Variants in B4GALNT3 observed in about 807,000 individuals in gnomAD.
B4GALNT3 encodes the protein beta-1,4-N-acetylgalactosaminyltransferase 3.
Under a neutral mutation model 120.2 loss-of-function variants are expected in B4GALNT3, and 86 were observed. The ratio of observed to expected loss-of-function variants is 0.72; its 90% confidence interval spans 0.60 to 0.86. The LOEUF is 0.86. Among genes scored for constraint, B4GALNT3 ranks in the 40% least tolerant of loss-of-function variants. B4GALNT3 has a pLI of 0.00. For missense variants in B4GALNT3, 1,167 were observed against 1,298.9 expected (o/e 0.90, Z 1.56); for synonymous variants, 518 against 510.4 (o/e 1.01, Z -0.20).
At chr12:507,165 C>G (rs530599710) in intron 1 of B4GALNT3, among the ~76,000 whole-genome samples, 2 of 152,298 alleles carry the variant, frequency 1.3e-5, no homozygotes, top group South Asian at 2.1e-4. Context: ...CTTTTCTGTT[C>G]CTAGACCTCT....
chr12:545,851 A>T (rs368324864), intron 6 of B4GALNT3, among the ~76,000 whole-genome samples: 2 of 14,334 alleles, frequency 1.4e-4, no homozygotes, highest in African/African-American at 7.9e-4. Flanking sequence ...AGTGGGGAGG[A>T]GCGAGGAGTG....
chr12:507,474 G>T (rs915232375), intron 1 of B4GALNT3, among the ~76,000 whole-genome samples: 9 of 152,202 alleles, frequency 5.9e-5, no homozygotes, highest in Non-Finnish European at 1.3e-4. Context: ...TTGGAATTTG[G>T]ACACTGTGGG....
chr12:546,767 C>T, intron 7 of B4GALNT3, 54 bp downstream of exon 7: 3 of 1,501,244 alleles, frequency 2.0e-6, no homozygotes, highest in East Asian at 2.5e-5. Flanking sequence ...CGGTGGAGCC[C>T]GGCTGCGCCC....
At chr12:497,874 G>T (rs776056487) in intron 1 of B4GALNT3, among the ~76,000 whole-genome samples, 1 of 152,122 alleles carries the variant, frequency 6.6e-6, no homozygotes, top group Non-Finnish European at 1.5e-5. Context: ...ACTCTAGAAA[G>T]TGTTTTGATT....
chr12:549,031 G>A (rs953369960), intron 9 of B4GALNT3, among the ~76,000 whole-genome samples: 4 of 152,194 alleles, frequency 2.6e-5, no homozygotes. Context: ...TGCCTTCAGT[G>A]CACAGGAAGC....
intron 1 of B4GALNT3, 30 bp from the exon 2 acceptor site, chr12:535,136 C>G: frequency 6.3e-7 from 1 of 1,588,830 alleles, no homozygotes; most frequent in Non-Finnish European, 8.6e-7. Context: ...GTTACGCTGA[C>G]CTGAGGGCTC....
intron 1 of B4GALNT3, among the ~76,000 whole-genome samples, chr12:518,575 G>A (rs1592037430): frequency 6.6e-6 from 1 of 151,926 alleles, no homozygotes; most frequent in African/African-American, 2.4e-5. Context: ...GCTAATTGTT[G>A]TTGTTGTAAA....
chr12:508,101 A>G (rs938337438), intron 1 of B4GALNT3, among the ~76,000 whole-genome samples: 16 of 152,274 alleles, frequency 1.1e-4, no homozygotes, highest in Admixed American at 8.5e-4. Context: ...CCAAGGTCCC[A>G]CAGCCAGTGG....
chr12:460,806 C>G lies in B4GALNT3; in HGVS notation c.169+261C>G, dbSNP rs1946014353. Among the ~76,000 whole-genome samples the G allele has an allele frequency of 6.6e-6, 1 of 152,102 alleles. No homozygotes were observed. ...ACCCTGGGGGCTCCTCGCGTCTCCC[C>G]TCGGAGAGCGACCCGGAGAGAGGCT... On this transcript the variant is annotated intron_variant, in intron 1 of 19. Coordinates refer to ENST00000266383, the MANE Select transcript of B4GALNT3 (RefSeq NM_173593.4). This position sits in a 1 kb window ranked among gnomAD's most constrained non-coding sequence, Gnocchi z 8.0.
At chr12:560,855 A>G (rs1414032602) in intron 19 of B4GALNT3, among the ~76,000 whole-genome samples, 1 of 152,216 alleles carries the variant, frequency 6.6e-6, no homozygotes, top group Admixed American at 6.5e-5. Context: ...TGCAGGCTGC[A>G]CATGCACAAA....
chr12:531,991 G>T lies in B4GALNT3; in HGVS notation c.170-3175G>T, dbSNP rs138805857. The stretch of plus-strand genomic sequence containing the variant: ...TATTTTTCTTTAAAAAAAAAAGGGA[G>T]GGTCTTGTTATGTTGCCCATATGTT... On this transcript the variant is annotated intron_variant, in intron 1 of 19. Coordinates refer to ENST00000266383, the MANE Select transcript of B4GALNT3 (RefSeq NM_173593.4). Among the ~76,000 whole-genome samples, 661 of 151,474 alleles carry T rather than the reference G, an allele frequency of 4.4e-3. 5 individuals carry two copies. The highest frequency in any genetic ancestry group is 0.015 in the African/African-American group (603 of 41,276).
intron 19 of B4GALNT3, among the ~76,000 whole-genome samples, chr12:559,910 G>A (rs1022121251): frequency 6.6e-6 from 1 of 152,154 alleles, no homozygotes; most frequent in Non-Finnish European, 1.5e-5. Context: ...CATCCAGGAG[G>A]TGCCGGGTCA....
chr12:554,532 T>TGTAATCCCAGCACTTTGGGAGGCCGAG (rs1947122276), intron 14 of B4GALNT3, among the ~76,000 whole-genome samples: 2 of 152,130 alleles, frequency 1.3e-5, no homozygotes, highest in African/African-American at 4.8e-5. Context: ...GGCTCACGCC[T>TGTAATCCCAGCACTTTGGGAGGCCGAG]GTAATCCCAG....
chr12:511,513 T>TCCAC (rs1473382228), intron 1 of B4GALNT3, among the ~76,000 whole-genome samples: 23 of 84,822 alleles, frequency 2.7e-4, no homozygotes, highest in African/African-American at 1.0e-3. Flanking sequence ...CCTTCCACCT[T>TCCAC]CTTCCACCTT....
rs1199163804 is a variant in B4GALNT3 at position 460,417 on chromosome 12, G to T, written c.41G>T (p.Arg14Leu). The T allele has an allele frequency of 1.2e-5, 18 of 1,532,736 alleles. No individual in the cohort carries two copies. The highest frequency in any genetic ancestry group is 2.0e-5 in the Admixed American group (1 of 50,748). 94.9% of individuals were successfully genotyped at this position (1,532,736 alleles called of 1,614,324 possible). ...PRAARPPLLL[R>L]PVKLLRRRFR... ...GCCGCGCGGCCCCCGCTGCTCCTGC[G>T]CCCGGTGAAGCTGCTGCGGAGGCGC... Residue 14 changes from arginine (R) to leucine (L), a missense_variant, in exon 1 of 20, where the codon CGC becomes CTC. Arg to Leu is a moderately radical substitution (Grantham distance 102). This residue lies in a region of B4GALNT3 where 171 missense variants were observed against 161.3 expected (regional missense o/e 1.06). Transcript: ENST00000266383. This position sits in a 1 kb window ranked among gnomAD's most constrained non-coding sequence, Gnocchi z 8.0.
chr12:545,105 T>A, intron 5 of B4GALNT3, 133 bp downstream of exon 5: 1 of 1,455,700 alleles, frequency 6.9e-7, no homozygotes, highest in South Asian at 1.4e-5. Flanking sequence ...AGAGGGGAAA[T>A]TGAGTCATAT....
At chr12:504,896 T>G (rs1192866718) in intron 1 of B4GALNT3, among the ~76,000 whole-genome samples, 1 of 149,274 alleles carries the variant, frequency 6.7e-6, no homozygotes, top group African/African-American at 2.5e-5. Flanking sequence ...CATCACAGGT[T>G]TTTTTTTTTT....
intron 1 of B4GALNT3, among the ~76,000 whole-genome samples, chr12:481,814 GA>G (rs1011102469): frequency 6.6e-6 from 1 of 152,168 alleles, no homozygotes; most frequent in African/African-American, 2.4e-5. Flanking sequence ...CAGCTGTGGG[GA>G]AGCCTGGATG....
intron 1 of B4GALNT3, among the ~76,000 whole-genome samples, chr12:514,411 A>C (rs1202557389): frequency 1.3e-5 from 2 of 151,656 alleles, no homozygotes; most frequent in South Asian, 2.1e-4. Context: ...GTTAGCCAGG[A>C]TGGTCTCGAT....
Sources: gnomAD v4.1 joint callset for allele counts (sites outside exome capture counted in the v4.1 genomes callset) on GRCh38, gnomAD v4.1.1 for gene constraint, gnomAD v4.1.1 regional missense constraint, Gnocchi (gnomAD v3.1) non-coding constraint, MANE v1.5 for transcripts, NCBI Gene and HGNC (gene_info 2026-07-23, HGNC 2026-07-21) for gene names.